GNA14: variants seen among roughly 807,000 people sequenced by gnomAD.
The protein encoded by GNA14 is guanine nucleotide-binding protein subunit alpha-14.
In GNA14, 50 loss-of-function variants were observed where a neutral mutation model predicts 42.0. The observed-to-expected ratio is 1.19, with a 90% CI of 0.95 to 1.51. GNA14 has a LOEUF of 1.51. Ranked by LOEUF, GNA14 falls within the 40% of genes most tolerant of loss-of-function variation. The probability of loss-of-function intolerance (pLI) is 0.00; values close to 1 mark genes in which losing one functional copy is unlikely to be tolerated. For synonymous variants in GNA14, 173 were observed against 163.1 expected (o/e 1.06, Z -0.46); for missense variants, 473 against 446.2 (o/e 1.06, Z -0.54).
intron 2 of GNA14, among the ~76,000 whole-genome samples, chr9:77,466,773 G>A (rs577494985): frequency 6.6e-5 from 10 of 152,016 alleles, no homozygotes; most frequent in East Asian, 5.8e-4. Flanking sequence ...TCTCCCTCCC[G>A]TCTGAGTTTG....
At chr9:77,646,747 G>A (rs1187196124) in intron 1 of GNA14, among the ~76,000 whole-genome samples, 2 of 152,236 alleles carry the variant, frequency 1.3e-5, no homozygotes, top group East Asian at 1.9e-4. Flanking sequence ...GGTAGAAAAG[G>A]TAAAATATTC....
At position 77,441,046 on chromosome 9, in the gene GNA14, T is replaced by G. The variant is rs149508758; in HGVS notation, c.310-6524A>C. On this transcript the variant is annotated intron_variant, in intron 2 of 6. Transcript: ENST00000341700. Reference sequence around the variant, plus strand: ...TTTTCAAATATACTATATATTATTATTAACTTAGTCATCATGATATACAAT... The same window carrying G: ...TTTTCAAATATACTATATATTATTAGTAACTTAGTCATCATGATATACAAT... 4.1e-3 allele frequency among the ~76,000 whole-genome samples: 630 copies of G among 152,272 alleles called. 3 individuals carry two copies. The highest frequency in any genetic ancestry group is 0.014 in the African/African-American group (596 of 41,528).
rs932760590 is a variant in GNA14 at position 77,579,761 on chromosome 9, C to A, written c.125-50508G>T. Among the ~76,000 whole-genome samples the A allele has an allele frequency of 2.0e-4, 31 of 152,118 alleles. 1 individual carries two copies. Among genetic ancestry groups the A allele is most frequent in the Admixed American group, 6.5e-5 (1 of 15,278 alleles). ...TCATTTATTTAAGTCAATGGCAAGT[C>A]CTAATTTGTTCAATTGTGAAGTGCT... On this transcript the variant is annotated intron_variant, in intron 1 of 6. Coordinates refer to ENST00000341700, the MANE Select transcript of GNA14 (RefSeq NM_004297.4).
intron 2 of GNA14, among the ~76,000 whole-genome samples, chr9:77,452,389 G>A (rs993492810): frequency 9.2e-5 from 14 of 152,022 alleles, no homozygotes; most frequent in African/African-American, 2.9e-4. Flanking sequence ...TCAGTCCAGC[G>A]ATGCCTTTAT....
rs1835411153 is a variant in GNA14 at position 77,423,808 on chromosome 9, TAAACTC to T, written c.*165_*170del. ...TGTAAGGACTTTTAAAGTATGTTGG[TAAACTC>T]AAATATCTTCCAAGTTCCATCACCC... On this transcript the variant is annotated 3_prime_UTR_variant, in exon 7 of 7. Coordinates refer to ENST00000341700, the MANE Select transcript of GNA14 (RefSeq NM_004297.4). 4 of 399,232 alleles carry T rather than the reference TAAACTC, an allele frequency of 1.0e-5. No individual in the cohort carries two copies. The South Asian group carries it at 5.0e-4, about 50-fold the overall frequency. The allele number at this position is 399,232 out of a possible 1,614,324, so 24.7% of individuals were successfully genotyped here. A position where few individuals can be genotyped will look rare whatever the true frequency, so the allele number is the denominator to read the frequency against.
chr9:77,505,496 T>C (rs1338053541), intron 2 of GNA14, among the ~76,000 whole-genome samples: 1 of 152,218 alleles, frequency 6.6e-6, no homozygotes, highest in Admixed American at 6.5e-5. Context: ...TGGAAGTCCT[T>C]CATGGCAGGA....
In GNA14 at chr9:77,534,762, CT is replaced by C. The variant is rs35522657; in HGVS notation, c.125-5510del. Among the ~76,000 whole-genome samples the C allele has an allele frequency of 2.3e-4, 35 of 151,852 alleles. No individual in the cohort carries two copies. The East Asian group carries it at 6.2e-3, about 27-fold the overall frequency. ...AGGTTGGCTCTCTAAGGACAGGGAT[CT>C]TTTTTTTTCTCGTTTCCTGATATCT... On this transcript the variant is annotated intron_variant, in intron 1 of 6. Coordinates refer to ENST00000341700, the MANE Select transcript of GNA14 (RefSeq NM_004297.4).
intron 1 of GNA14, among the ~76,000 whole-genome samples, chr9:77,622,557 A>G (rs576944568): frequency 6.6e-6 from 1 of 151,174 alleles, no homozygotes; most frequent in East Asian, 2.0e-4. Context: ...TCACAGAGTC[A>G]GGAGATCGAG....
intron 1 of GNA14, among the ~76,000 whole-genome samples, chr9:77,633,821 G>C (rs907282464): frequency 6.6e-6 from 1 of 152,140 alleles, no homozygotes; most frequent in Non-Finnish European, 1.5e-5. Context: ...CATAGGATAG[G>C]CCTCAATTTT....
At position 77,623,536 on chromosome 9, in the gene GNA14, A is replaced by G. The variant is rs182313297; in HGVS notation, c.124+24134T>C. Among the ~76,000 whole-genome samples the G allele has an allele frequency of 1.5e-3, 233 of 152,316 alleles. 3 individuals are homozygous for G. Among genetic ancestry groups the G allele is most frequent in the Non-Finnish European group, 3.1e-4 (21 of 68,024 alleles). ...GCAGCTCCCAGTGAGATCAATGCAG[A>G]AGGCAGGTGATTTCTGCATTTCAAA... On this transcript the variant is annotated intron_variant, in intron 1 of 6. Coordinates refer to ENST00000341700, the MANE Select transcript of GNA14 (RefSeq NM_004297.4).
intron 1 of GNA14, among the ~76,000 whole-genome samples, chr9:77,597,366 T>A (rs530650479): frequency 6.6e-5 from 10 of 152,074 alleles, no homozygotes; most frequent in Admixed American, 6.5e-4. Flanking sequence ...GGAGAAATGA[T>A]GAACAAATTT....
chr9:77,484,205 G>C (rs762763891), intron 2 of GNA14, among the ~76,000 whole-genome samples: 1 of 152,160 alleles, frequency 6.6e-6, no homozygotes, highest in Non-Finnish European at 1.5e-5. Flanking sequence ...ATCTAGCTCA[G>C]AGTAGGAGGA....
chr9:77,544,624 A>G (rs1837697526), intron 1 of GNA14, among the ~76,000 whole-genome samples: 1 of 148,714 alleles, frequency 6.7e-6, no homozygotes, highest in Non-Finnish European at 1.5e-5. Context: ...AATCACTTGA[A>G]CCTGGAGGCA....
At chr9:77,474,888 C>A (rs968401046) in intron 2 of GNA14, among the ~76,000 whole-genome samples, 10 of 151,976 alleles carry the variant, frequency 6.6e-5, no homozygotes, top group South Asian at 2.1e-4. Context: ...GTGAAAAAAT[C>A]CAGTCACGAA....
intron 2 of GNA14, among the ~76,000 whole-genome samples, chr9:77,441,809 T>C (rs185521143): frequency 6.6e-6 from 1 of 152,368 alleles, no homozygotes; most frequent in African/African-American, 2.4e-5. Flanking sequence ...CTGTGTTTAA[T>C]GTGTCCAGAA....
At position 77,478,714 on chromosome 9, in the gene GNA14, G is replaced by A. The variant is rs528860797; in HGVS notation, c.310-44192C>T. On this transcript the variant is annotated intron_variant, in intron 2 of 6. Coordinates refer to ENST00000341700, the MANE Select transcript of GNA14 (RefSeq NM_004297.4). ...GTTGTTTCCTGACTTTTTAATGATT[G>A]CCATTCTAACTGGTGTGAGATGGTA... is the stretch of plus-strand genomic sequence containing the variant. Among the ~76,000 whole-genome samples, 634 of 152,096 alleles carry A rather than the reference G, an allele frequency of 4.2e-3. 2 individuals are homozygous for A. The highest frequency in any genetic ancestry group is 0.014 in the African/African-American group (593 of 41,520).
intron 1 of GNA14, among the ~76,000 whole-genome samples, chr9:77,591,765 A>T (rs985845313): frequency 6.6e-6 from 1 of 152,130 alleles, no homozygotes; most frequent in Non-Finnish European, 1.5e-5. Flanking sequence ...CCATTCTAAC[A>T]GGATAATTTT....
At chr9:77,568,669 T>C (rs1186510554) in intron 1 of GNA14, among the ~76,000 whole-genome samples, 2 of 152,082 alleles carry the variant, frequency 1.3e-5, no homozygotes, top group African/African-American at 4.8e-5. Flanking sequence ...ACAGTTAACC[T>C]GAGGAGGAAA....
intron 1 of GNA14, among the ~76,000 whole-genome samples, chr9:77,556,391 C>T (rs1030072550): frequency 6.6e-6 from 1 of 152,028 alleles, no homozygotes; most frequent in Non-Finnish European, 1.5e-5. Context: ...AAAAGAGGGG[C>T]CATGACATGA....
Sources: gnomAD v4.1 joint callset for allele counts (sites outside exome capture counted in the v4.1 genomes callset) on GRCh38, gnomAD v4.1.1 for gene constraint, MANE v1.5 for transcripts, NCBI Gene and HGNC (gene_info 2026-07-23, HGNC 2026-07-21) for gene names.